ATP2C1: variants seen among roughly 807,000 people sequenced by gnomAD.
ATP2C1 encodes ATPase secretory pathway Ca2+ transporting 1.
A neutral mutation model predicts 120.5 loss-of-function variants in ATP2C1; 31 were observed. The ratio of observed to expected loss-of-function variants is 0.26; its 90% CI spans 0.19 to 0.35. The LOEUF is 0.35. Ranked by LOEUF, ATP2C1 falls within the 10% of genes least tolerant of loss-of-function variation. The probability of loss-of-function intolerance (pLI) is 1.00; values close to 1 mark genes in which losing one functional copy is unlikely to be tolerated. For synonymous variants in ATP2C1, 351 were observed against 358.7 expected (o/e 0.98, Z 0.24); for missense variants, 731 against 1,107.5 (o/e 0.66, Z 4.83).
intron 20 of ATP2C1, among the ~76,000 whole-genome samples, chr3:130,986,987 T>G (rs2062051180): frequency 1.3e-5 from 2 of 151,784 alleles, no homozygotes; most frequent in Admixed American, 1.3e-4. Context: ...TTGCCCAGAC[T>G]GGAGTGCAGT....
At chr3:130,899,208 G>A (rs551306442) in intron 2 of ATP2C1, among the ~76,000 whole-genome samples, 1 of 152,248 alleles carries the variant, frequency 6.6e-6, no homozygotes, top group South Asian at 2.1e-4. Flanking sequence ...GAACAATGTG[G>A]GGGTTGGGGT....
At chr3:130,893,901 C>A (rs766593996), upstream of ATP2C1, 10 of 983,968 alleles carry the variant, frequency 1.0e-5, no homozygotes, top group Non-Finnish European at 9.7e-6. Flanking sequence ...CATTCCGGGC[C>A]GAAGTCTCGG....
chr3:131,000,672 T>G (rs2062840259), intron 27 of ATP2C1, among the ~76,000 whole-genome samples: 1 of 152,224 alleles, frequency 6.6e-6, no homozygotes, highest in African/African-American at 2.4e-5. Flanking sequence ...GTCAGAGGAC[T>G]TGGGTTCTAA....
At chr3:130,861,467 T>A (rs573246352) in intron 1 of ATP2C1, among the ~76,000 whole-genome samples, 1 of 152,232 alleles carries the variant, frequency 6.6e-6, no homozygotes, top group African/African-American at 2.4e-5. Flanking sequence ...AGATCAATGT[T>A]CCAGTTCAGA....
chr3:130,919,951 G>A (rs559123600), intron 2 of ATP2C1, among the ~76,000 whole-genome samples: 2 of 152,340 alleles, frequency 1.3e-5, no homozygotes, highest in South Asian at 4.1e-4. Context: ...GGTTAATGAT[G>A]AGCATCTTTT....
chr3:130,973,496 G>A (rs1019726947), intron 17 of ATP2C1, among the ~76,000 whole-genome samples: 14 of 152,068 alleles, frequency 9.2e-5, no homozygotes, highest in African/African-American at 2.2e-4. Context: ...TATATATACC[G>A]TGTTTTTTTC....
intron 1 of ATP2C1, among the ~76,000 whole-genome samples, chr3:130,863,126 G>T (rs768117844): frequency 6.6e-6 from 1 of 151,992 alleles, no homozygotes; most frequent in Non-Finnish European, 1.5e-5. Context: ...ATACACAAGA[G>T]TCCATGCCAT....
intron 26 of ATP2C1, chr3:131,016,031 T>A: frequency 7.6e-7 from 1 of 1,318,058 alleles, no homozygotes; most frequent in South Asian, 1.3e-5. Flanking sequence ...AGATTAGTTT[T>A]TTTTTGTTTT....
rs756020009 is a variant in ATP2C1 at position 130,979,230 on chromosome 3, G to T, written c.1571-19G>T. ...ACTCACTTTTTTTTGTTGTTGTTTG[G>T]ATTTTATTATTTCCTAAGTTCTTGC... is the stretch of plus-strand genomic sequence containing the variant. On this transcript the variant is annotated intron_variant, in intron 18 of 27. Transcript: ENST00000510168. 6 of 1,612,454 alleles carry T rather than the reference G, an allele frequency of 3.7e-6. No individual in the cohort carries two copies. In the East Asian group the frequency reaches 1.1e-4, roughly 30 times the overall value.
intron 4 of ATP2C1, among the ~76,000 whole-genome samples, chr3:130,932,986 A>T (rs1384621458): frequency 6.6e-6 from 1 of 152,168 alleles, no homozygotes; most frequent in African/African-American, 2.4e-5. Flanking sequence ...TTTATGGAAT[A>T]TTATTTATAT....
chr3:130,902,096 CCTTGGTTTCCT>C (rs2057860912), intron 2 of ATP2C1, among the ~76,000 whole-genome samples: 1 of 151,956 alleles, frequency 6.6e-6, no homozygotes, highest in Non-Finnish European at 1.5e-5. Context: ...CTCCTCTAAG[CCTTGGTTTCCT>C]CACTTGTAAA....
In ATP2C1 at chr3:130,872,677, T is replaced by G. The variant is rs142410061; in HGVS notation, c.108+21749T>G. 3.5e-3 allele frequency among the ~76,000 whole-genome samples: 535 copies of G among 152,084 alleles called. 16 individuals carry two copies. The highest frequency in any genetic ancestry group is 0.023 in the Admixed American group (354 of 15,282). ...TCGGCTCACTGCAACCTCCGCCTCC[T>G]GGGTTCAAGCGATTCTCCTGCCTTA... On this transcript the variant is annotated intron_variant, in intron 1 of 26. Transcript: ENST00000504381.
At chr3:131,008,230 G>A (rs999781634) in intron 26 of ATP2C1, among the ~76,000 whole-genome samples, 1 of 152,232 alleles carries the variant, frequency 6.6e-6, no homozygotes, top group Non-Finnish European at 1.5e-5. Flanking sequence ...TTGAGGCCAG[G>A]AGTTCGAGAC....
chr3:131,001,646 AAG>A lies in ATP2C1; in HGVS notation c.*298_*299del. The A allele has an allele frequency of 9.2e-7, 1 of 1,085,578 alleles. No individual in the cohort carries two copies. 67.2% of individuals were successfully genotyped at this position (1,085,578 alleles called of 1,614,324 possible). A position where few individuals can be genotyped will look rare whatever the true frequency, so the allele number is the denominator to read the frequency against. On this transcript the variant is annotated 3_prime_UTR_variant, in exon 28 of 28. Transcript: ENST00000510168. ...AAACCTGAACCACCTTCTGCACTTA[AAG>A]AAGTCTAACAGTACAAATACACTAT...
chr3:130,966,763 C>CT (rs1421508140), intron 14 of ATP2C1, among the ~76,000 whole-genome samples: 6 of 152,124 alleles, frequency 3.9e-5, no homozygotes, highest in Non-Finnish European at 7.4e-5. Context: ...CTGCTTTTGT[C>CT]TAAGTCACAG....
At chr3:131,015,723 A>T (rs1577096169) in intron 26 of ATP2C1, among the ~76,000 whole-genome samples, 1 of 100,880 alleles carries the variant, frequency 9.9e-6, no homozygotes, top group Admixed American at 9.0e-5. Flanking sequence ...AAATGCAATT[A>T]AAAAAAAATA....
intron 18 of ATP2C1, among the ~76,000 whole-genome samples, chr3:130,977,010 A>G (rs1461341341): frequency 2.0e-5 from 3 of 152,170 alleles, no homozygotes; most frequent in Non-Finnish European, 4.4e-5. Context: ...TGTTCCCCTT[A>G]CACTCCTCAA....
In ATP2C1 at chr3:130,894,496, G is replaced by C. The variant is rs1250632331; in HGVS notation, c.-180-94G>C. On this transcript the variant is annotated intron_variant, in intron 1 of 27. Transcript: ENST00000510168. The surrounding 1 kb of genome is among the most constrained non-coding windows in gnomAD (Gnocchi z 4.5). Reference sequence around the variant, plus strand: ...CGGGCACACGACGGGGCGGGTGCGGGATCTTGGGGAGGGGGGCTCCCGAGA... The same window carrying C: ...CGGGCACACGACGGGGCGGGTGCGGCATCTTGGGGAGGGGGGCTCCCGAGA... 5 of 1,382,832 alleles carry C rather than the reference G, an allele frequency of 3.6e-6. No homozygotes were observed. Among genetic ancestry groups the C allele is most frequent in the Non-Finnish European group, 3.7e-6 (4 of 1,068,114 alleles). The allele number at this position is 1,382,832 out of a possible 1,614,324, so 85.7% of individuals were successfully genotyped here.
At position 130,956,150 on chromosome 3, in the gene ATP2C1, A is replaced by T. The variant is rs1160757705; in HGVS notation, c.803A>T (p.Gln268Leu). 1 of 1,609,822 alleles carries T rather than the reference A, an allele frequency of 6.2e-7. No individual in the cohort carries two copies. The highest frequency in any genetic ancestry group is 8.5e-7 in the Non-Finnish European group (1 of 1,176,602). Residue 268 changes from glutamine (Q) to leucine (L), a missense_variant, in exon 11 of 28, where the codon CAA (glutamine) becomes CTA (leucine). By Grantham distance (113) the Gln-to-Leu change is moderately radical (BLOSUM62 -2). This residue lies in a region of ATP2C1 where 571 missense variants were observed against 845.9 expected (regional missense o/e 0.67). Coordinates refer to ENST00000510168, the MANE Select transcript of ATP2C1 (RefSeq NM_001378687.1). ...LQKSMDLLGK[Q>L]LSFYSFGIIG... ...AAGAGCATGGACCTCTTAGGAAAACAACTTTCCTTTTACTCCTTTGGTATA... is the reference window on the plus strand; with the variant it reads ...AAGAGCATGGACCTCTTAGGAAAACTACTTTCCTTTTACTCCTTTGGTATA...
Sources: allele counts gnomAD v4.1 joint callset (sites outside exome capture counted in the v4.1 genomes callset), GRCh38; gene constraint gnomAD v4.1.1; regional missense constraint gnomAD v4.1.1; non-coding constraint Gnocchi (gnomAD v3.1); transcripts MANE v1.5; gene names NCBI Gene and HGNC (gene_info 2026-07-23, HGNC 2026-07-21).